The following EFCAB5 variants were observed in gnomAD, a reference collection of about 807,000 sequenced individuals.
EFCAB5 encodes the protein EF-hand calcium binding domain 5, also known as EF-hand calcium-binding domain-containing protein 5.
A neutral mutation model predicts 167.9 loss-of-function variants in EFCAB5; 131 were observed. The ratio of observed to expected loss-of-function variants is 0.78; its 90% CI spans 0.68 to 0.90. The LOEUF is 0.90. Ranked by LOEUF, EFCAB5 falls within the 40% of genes least tolerant of loss-of-function variation. The pLI is 0.00. For synonymous variants in EFCAB5, 574 were observed against 602.8 expected (o/e 0.95, Z 0.70); for missense variants, 1,663 against 1,745.2 (o/e 0.95, Z 0.84).
intron 4 of EFCAB5, among the ~76,000 whole-genome samples, chr17:29,988,114 A>G (rs1567697593): frequency 6.6e-6 from 1 of 152,194 alleles, no homozygotes; most frequent in Non-Finnish European, 1.5e-5. Context: ...TCAATTTAAC[A>G]TGGGTTAAAT....
chr17:30,076,483 C>CA (rs1361981113), intron 14 of EFCAB5, among the ~76,000 whole-genome samples: 11 of 152,066 alleles, frequency 7.2e-5, no homozygotes, highest in African/African-American at 2.4e-4. Context: ...TGCTAAGGAG[C>CA]AAAAAATCAA....
At chr17:30,087,196 C>T in intron 19 of EFCAB5, 30 bp downstream of exon 19, 8 of 1,576,354 alleles carry the variant, frequency 5.1e-6, no homozygotes, top group Non-Finnish European at 4.4e-6. Context: ...TGTTTGACTG[C>T]TAGAACACAT....
At chr17:29,992,141 C>A (rs2068434493) in intron 4 of EFCAB5, among the ~76,000 whole-genome samples, 2 of 152,066 alleles carry the variant, frequency 1.3e-5, no homozygotes, top group African/African-American at 4.8e-5. Flanking sequence ...CCATTTCCCC[C>A]ATTCCCAGCC....
At chr17:30,042,401 T>G (rs2069799154) in intron 8 of EFCAB5, among the ~76,000 whole-genome samples, 2 of 152,182 alleles carry the variant, frequency 1.3e-5, no homozygotes, top group Non-Finnish European at 2.9e-5. Context: ...TGTCTGGAAC[T>G]GGACCTCTGG....
At chr17:29,991,217 C>G (rs1420020475) in intron 4 of EFCAB5, among the ~76,000 whole-genome samples, 1 of 152,158 alleles carries the variant, frequency 6.6e-6, no homozygotes, top group African/African-American at 2.4e-5. Context: ...ACTCCAGTGA[C>G]CCTTCGACCC....
chr17:30,009,126 G>A (rs1012800295), intron 7 of EFCAB5, among the ~76,000 whole-genome samples: 2 of 152,076 alleles, frequency 1.3e-5, no homozygotes, highest in African/African-American at 4.8e-5. Flanking sequence ...AGATAATTTA[G>A]GATAATCTCC....
Position 30,108,014 on chromosome 17 carries a change from A to C in EFCAB5, c.4502A>C (p.Gln1501Pro). 1 of 1,607,156 alleles carries C rather than the reference A, an allele frequency of 6.2e-7. No individual in the cohort carries two copies. Among genetic ancestry groups the C allele is most frequent in the Non-Finnish European group, 8.5e-7 (1 of 1,178,164 alleles). ...MYAKMPGEGLQEK is the reference protein window; with the variant it reads ...MYAKMPGEGLPEK ...GCAAAAATGCCAGGGGAAGGTTTGC[A>C]AGAGAAGTGATAATGGATGATAATG... Residue 1501 changes from glutamine to proline, a missense_variant, in exon 23 of 23, where the codon CAA (glutamine) becomes CCA (proline). Gln to Pro is a moderately conservative substitution (Grantham distance 76, BLOSUM62 -1). Coordinates refer to ENST00000394835, the MANE Select transcript of EFCAB5 (RefSeq NM_198529.4).
In EFCAB5 at chr17:30,053,675, C is replaced by T. The variant is rs778859456; in HGVS notation, c.1721C>T (p.Thr574Ile). Reference sequence around the variant, plus strand: ...CAAGAAACACACAGAGAGTCAACTACAGAACAAGGACAGCACAAAGGGTCA... The same window carrying T: ...CAAGAAACACACAGAGAGTCAACTATAGAACAAGGACAGCACAAAGGGTCA... ...TEQETHRESTTEQGQHKGSIE... is the reference protein window; with the variant it reads ...TEQETHRESTIEQGQHKGSIE... The change falls in exon 10 of 23, where the codon ACA becomes ATA. Residue 574 changes from threonine (T) to isoleucine (I), a missense_variant. Transcript: ENST00000394835. 1 of 1,613,922 alleles carries T rather than the reference C, an allele frequency of 6.2e-7. No homozygotes were observed. Among genetic ancestry groups the T allele is most frequent in the South Asian group, 1.1e-5 (1 of 91,082 alleles).
chr17:29,962,722 C>T (rs527575039), intron 3 of EFCAB5, among the ~76,000 whole-genome samples: 2 of 139,214 alleles, frequency 1.4e-5, no homozygotes, highest in East Asian at 4.5e-4. Flanking sequence ...TGGATTCTTT[C>T]TATATATAGG....
chr17:30,055,873 A>C lies in EFCAB5; in HGVS notation c.2195-15A>C, dbSNP rs911824641. 6.2e-7 allele frequency: 1 copy of C among 1,608,810 alleles called. No homozygotes were observed. The highest frequency in any genetic ancestry group is 8.5e-7 in the Non-Finnish European group (1 of 1,178,532). ...TAATGTCTAATTCATAAGCATTTTC[A>C]TTTGCACCTTTTAGAAACTACAAAA... On this transcript the variant is annotated splice_polypyrimidine_tract_variant and intron_variant, in intron 10 of 22. Coordinates refer to ENST00000394835, the MANE Select transcript of EFCAB5 (RefSeq NM_198529.4).
intron 8 of EFCAB5, 28 bp downstream of exon 8, chr17:30,034,413 T>C (rs1317070636): frequency 6.4e-7 from 1 of 1,555,292 alleles, no homozygotes; most frequent in South Asian, 1.2e-5. Flanking sequence ...AATAATTGCT[T>C]CTTGGCCAGA....
chr17:30,039,896 G>C (rs1160357489), intron 8 of EFCAB5, among the ~76,000 whole-genome samples: 1 of 152,136 alleles, frequency 6.6e-6, no homozygotes, highest in African/African-American at 2.4e-5. Flanking sequence ...ATGAAATCAA[G>C]CCACACCTCA....
At chr17:29,944,692 C>T (rs1437581690) in intron 3 of EFCAB5, among the ~76,000 whole-genome samples, 5 of 148,242 alleles carry the variant, frequency 3.4e-5, no homozygotes, top group African/African-American at 1.2e-4. Context: ...GGTGCAATCT[C>T]GGCTCACTGC....
At chr17:30,080,002 G>A (rs2070950542) in intron 15 of EFCAB5, 70 bp from the exon 16 acceptor site, 29 of 1,521,790 alleles carry the variant, frequency 1.9e-5, no homozygotes, top group Non-Finnish European at 2.5e-5. Context: ...GAATTAACTA[G>A]TAAGGGGGAC....
chr17:30,020,938 T>A (rs1337175083), intron 7 of EFCAB5, among the ~76,000 whole-genome samples: 2 of 36,718 alleles, frequency 5.4e-5, no homozygotes, highest in Non-Finnish European at 1.0e-4. Context: ...AATTACAAAT[T>A]ATTGTATCAG....
chr17:30,043,750 T>G (rs1220918066), intron 8 of EFCAB5, among the ~76,000 whole-genome samples: 3 of 152,226 alleles, frequency 2.0e-5, no homozygotes, highest in African/African-American at 7.2e-5. Context: ...TCCTTTATTG[T>G]TTCTGTCAAA....
intron 22 of EFCAB5, among the ~76,000 whole-genome samples, chr17:30,093,206 C>T (rs2071234002): frequency 6.6e-6 from 1 of 152,112 alleles, no homozygotes; most frequent in South Asian, 2.1e-4. Flanking sequence ...AATGGGGCTG[C>T]AATGAGAATG....
At chr17:29,958,644 T>C (rs137908028) in intron 3 of EFCAB5, among the ~76,000 whole-genome samples, 7 of 152,326 alleles carry the variant, frequency 4.6e-5, no homozygotes, top group Non-Finnish European at 1.0e-4. Flanking sequence ...TTGGTCACTG[T>C]GTTCTCTTAC....
intron 8 of EFCAB5, among the ~76,000 whole-genome samples, chr17:30,047,575 G>A (rs1477363163): frequency 6.6e-6 from 1 of 152,060 alleles, no homozygotes; most frequent in African/African-American, 2.4e-5. Flanking sequence ...AAGATCCAAG[G>A]CCATATTTTA....
Sources: gnomAD v4.1 joint callset for allele counts (sites outside exome capture counted in the v4.1 genomes callset) on GRCh38, gnomAD v4.1.1 for gene constraint, MANE v1.5 for transcripts, NCBI Gene and HGNC (gene_info 2026-07-23, HGNC 2026-07-21) for gene names.